The following ADAMTSL1 variants were observed in gnomAD, a reference collection of about 807,000 sequenced individuals.
ADAMTSL1 encodes the protein ADAMTS-like protein 1.
A neutral mutation model predicts 201.8 loss-of-function variants in ADAMTSL1; 126 were observed. That is an observed-to-expected ratio of 0.62 (90% CI 0.54 to 0.72). ADAMTSL1 has a LOEUF of 0.72. Ranked by LOEUF, ADAMTSL1 falls within the 30% of genes least tolerant of loss-of-function variation. The pLI, the probability that ADAMTSL1 is intolerant of heterozygous loss-of-function variation, is 0.00. For synonymous variants in ADAMTSL1, 1,121 were observed against 903.4 expected (o/e 1.24, Z -4.32); for missense variants, 2,679 against 2,277.8 (o/e 1.18, Z -3.59).
intron 16 of ADAMTSL1, among the ~76,000 whole-genome samples, chr9:18,769,975 G>A (rs1820595534): frequency 6.6e-6 from 1 of 152,016 alleles, no homozygotes; most frequent in South Asian, 2.1e-4. Flanking sequence ...TGTTTTATTG[G>A]GGTTCCTCTG....
intron 14 of ADAMTSL1, among the ~76,000 whole-genome samples, chr9:18,720,251 ATT>A (rs1833250490): frequency 6.6e-6 from 1 of 152,182 alleles, no homozygotes; most frequent in Non-Finnish European, 1.5e-5. Flanking sequence ...CAGCTTTACC[ATT>A]TACAACTGTA....
chr9:18,885,316 T>A (rs1029187117), intron 23 of ADAMTSL1, among the ~76,000 whole-genome samples: 6 of 152,212 alleles, frequency 3.9e-5, no homozygotes, highest in Non-Finnish European at 8.8e-5. Context: ...AGAGCCCTCA[T>A]GGCCTGATCA....
intron 1 of ADAMTSL1, among the ~76,000 whole-genome samples, chr9:18,096,726 C>G (rs1341504378): frequency 6.6e-6 from 1 of 152,152 alleles, no homozygotes; most frequent in Non-Finnish European, 1.5e-5. Context: ...TCATCACCAT[C>G]CAAATCATGA....
intron 1 of ADAMTSL1, among the ~76,000 whole-genome samples, chr9:18,035,623 G>A (rs1477311399): frequency 1.3e-5 from 2 of 151,990 alleles, no homozygotes; most frequent in East Asian, 3.9e-4. Flanking sequence ...TTTTCCCTGG[G>A]CACTCCTAAC....
chr9:18,068,542 T>C (rs1023367084), intron 1 of ADAMTSL1, among the ~76,000 whole-genome samples: 1 of 152,028 alleles, frequency 6.6e-6, no homozygotes, highest in Non-Finnish European at 1.5e-5. Context: ...TGGATACCAA[T>C]GAACAAATGC....
intron 23 of ADAMTSL1, among the ~76,000 whole-genome samples, chr9:18,865,772 C>T (rs1827492490): frequency 6.6e-6 from 1 of 152,154 alleles, no homozygotes; most frequent in Non-Finnish European, 1.5e-5. Context: ...GCTGCCAGAA[C>T]TCTCATTAGA....
chr9:18,126,692 G>A (rs1454801841), intron 1 of ADAMTSL1, among the ~76,000 whole-genome samples: 1 of 152,160 alleles, frequency 6.6e-6, no homozygotes, highest in Non-Finnish European at 1.5e-5. Flanking sequence ...GTTTGGCACA[G>A]TAACACGGAG....
At chr9:18,161,782 AG>A (rs902843301) in intron 1 of ADAMTSL1, among the ~76,000 whole-genome samples, 1 of 152,066 alleles carries the variant, frequency 6.6e-6, no homozygotes, top group African/African-American at 2.4e-5. Flanking sequence ...TGTCCTTGAT[AG>A]GGGAAGAACT....
intron 2 of ADAMTSL1, among the ~76,000 whole-genome samples, chr9:18,298,971 C>G (rs1443701586): frequency 1.3e-5 from 2 of 149,622 alleles, no homozygotes; most frequent in African/African-American, 4.9e-5. Flanking sequence ...GAGATGGCGC[C>G]ACTGCACTCC....
At chr9:18,177,412 C>T (rs576831268) in intron 2 of ADAMTSL1, among the ~76,000 whole-genome samples, 12 of 152,206 alleles carry the variant, frequency 7.9e-5, no homozygotes, top group Non-Finnish European at 1.0e-4. Context: ...TAAAACGTTG[C>T]GTCATTTAAT....
At chr9:18,436,689 A>G (rs1013935586) in intron 2 of ADAMTSL1, among the ~76,000 whole-genome samples, 3 of 151,996 alleles carry the variant, frequency 2.0e-5, no homozygotes, top group Non-Finnish European at 4.4e-5. Flanking sequence ...TTACCTCTCT[A>G]TGAGTAATTG....
chr9:18,450,458 G>A (rs546397607), intron 2 of ADAMTSL1, among the ~76,000 whole-genome samples: 4 of 152,246 alleles, frequency 2.6e-5, no homozygotes, highest in African/African-American at 9.6e-5. Context: ...AATCAGCAAA[G>A]TCAGTTAGGA....
intron 2 of ADAMTSL1, among the ~76,000 whole-genome samples, chr9:18,520,133 C>T (rs555804998): frequency 2.1e-4 from 32 of 152,248 alleles, no homozygotes; most frequent in African/African-American, 5.3e-4. Context: ...ACAATTCAGC[C>T]TATAATATTC....
chr9:18,028,724 G>C (rs771469013), intron 1 of ADAMTSL1, among the ~76,000 whole-genome samples: 1 of 152,158 alleles, frequency 6.6e-6, no homozygotes, highest in Non-Finnish European at 1.5e-5. Context: ...TTTTGGCTTA[G>C]GATTGACTTG....
intron 1 of ADAMTSL1, among the ~76,000 whole-genome samples, chr9:18,081,268 T>C (rs1317706317): frequency 1.3e-5 from 2 of 152,226 alleles, no homozygotes; most frequent in Non-Finnish European, 2.9e-5. Context: ...CTAGTGTGTA[T>C]GCTATGTATC....
chr9:18,120,516 C>G (rs577555172), intron 1 of ADAMTSL1, among the ~76,000 whole-genome samples: 1 of 152,104 alleles, frequency 6.6e-6, no homozygotes, highest in Non-Finnish European at 1.5e-5. Context: ...GGATTTGTAT[C>G]CCCTTTTTAT....
At chr9:18,658,529 T>A (rs1828863813) in intron 8 of ADAMTSL1, among the ~76,000 whole-genome samples, 1 of 152,200 alleles carries the variant, frequency 6.6e-6, no homozygotes, top group Non-Finnish European at 1.5e-5. Flanking sequence ...ATTTTTCAAC[T>A]CCACCCCATC....
intron 1 of ADAMTSL1, among the ~76,000 whole-genome samples, chr9:18,480,375 T>C (rs1343309860): frequency 6.6e-6 from 1 of 152,218 alleles, no homozygotes; most frequent in South Asian, 2.1e-4. Flanking sequence ...TCAAACACTC[T>C]CTCTTTACCC....
At chr9:18,725,392 T>G (rs1383524370) in intron 15 of ADAMTSL1, among the ~76,000 whole-genome samples, 6 of 152,208 alleles carry the variant, frequency 3.9e-5, no homozygotes, top group Non-Finnish European at 8.8e-5. Context: ...TGTTAATCCC[T>G]TCACAACTTT....
Sources: allele counts gnomAD v4.1 joint callset (sites outside exome capture counted in the v4.1 genomes callset), GRCh38; gene constraint gnomAD v4.1.1; transcripts MANE v1.5; gene names NCBI Gene and HGNC (gene_info 2026-07-23, HGNC 2026-07-21).